The following CNBD1 variants were observed in gnomAD, a reference collection of about 807,000 sequenced individuals.
The protein encoded by CNBD1 is cyclic nucleotide binding domain containing 1.
Under a neutral mutation model 54.4 loss-of-function variants are expected in CNBD1, and 71 were observed. The ratio of observed to expected loss-of-function variants is 1.30; its 90% CI spans 1.08 to 1.59. The LOEUF is 1.59. CNBD1 is among the 40% of genes most tolerant of loss of function. The pLI is 0.00. For missense variants in CNBD1, 659 were observed against 518.0 expected (o/e 1.27, Z -2.64); for synonymous variants, 182 against 170.7 (o/e 1.07, Z -0.51).
At chr8:87,169,534 G>T (rs146401361) in intron 4 of CNBD1, among the ~76,000 whole-genome samples, 1 of 152,154 alleles carries the variant, frequency 6.6e-6, no homozygotes, top group East Asian at 1.9e-4. Flanking sequence ...TAGTTTCATA[G>T]CTTGAGGTCT....
chr8:87,071,883 A>G (rs1046818820), intron 4 of CNBD1, among the ~76,000 whole-genome samples: 8 of 152,016 alleles, frequency 5.3e-5, no homozygotes, highest in Admixed American at 2.6e-4. Context: ...TTCTGTCTCA[A>G]TGATCTGTCT....
chr8:87,327,667 C>G (rs1399609850), intron 8 of CNBD1, among the ~76,000 whole-genome samples: 1 of 152,150 alleles, frequency 6.6e-6, no homozygotes, highest in Non-Finnish European at 1.5e-5. Flanking sequence ...CGGCTCGTGC[C>G]CGGTGCGCAC....
At chr8:87,017,587 G>A (rs1375615400) in intron 4 of CNBD1, among the ~76,000 whole-genome samples, 2 of 152,114 alleles carry the variant, frequency 1.3e-5, no homozygotes, top group African/African-American at 2.4e-5. Context: ...TAAGCAAAAA[G>A]CCTCTTTTCT....
chr8:87,313,713 A>G lies in CNBD1; in HGVS notation c.1042+27042A>G, dbSNP rs1244936470. Among the ~76,000 whole-genome samples, 5 of 151,984 alleles carry G rather than the reference A, an allele frequency of 3.3e-5. No individual in the cohort carries two copies. In the South Asian group the frequency reaches 8.3e-4, roughly 25 times the overall value. ...GTTCCCTTTACTAGATAGAAAAGAA[A>G]AAGAAATATGCAGCCTTTTACAATT... On this transcript the variant is annotated intron_variant, in intron 8 of 10. Coordinates refer to ENST00000518476, the MANE Select transcript of CNBD1 (RefSeq NM_173538.3).
chr8:87,256,971 G>T (rs1808036825), intron 6 of CNBD1, among the ~76,000 whole-genome samples: 1 of 152,006 alleles, frequency 6.6e-6, no homozygotes, highest in South Asian at 2.1e-4. Flanking sequence ...ACCACAAAAA[G>T]CTTTCTTTAC....
Position 87,293,342 on chromosome 8 carries a change from A to G in CNBD1, c.1042+6671A>G, listed in dbSNP as rs572599049. Among the ~76,000 whole-genome samples the G allele has an allele frequency of 1.6e-4, 24 of 152,178 alleles. No individual in the cohort carries two copies. In the Middle Eastern group the frequency reaches 0.014, roughly 86 times the overall value. ...GCTGACCACCTGAGGTCAGGAGCTC[A>G]AGACCAGCCTGGACAACATGATGAA... On this transcript the variant is annotated intron_variant, in intron 8 of 10. Coordinates refer to ENST00000518476, the MANE Select transcript of CNBD1 (RefSeq NM_173538.3).
intron 4 of CNBD1, among the ~76,000 whole-genome samples, chr8:87,183,385 GTTT>G (rs3056356): frequency 0.057 from 6,753 of 118,352 alleles, 261 homozygotes; most frequent in African/African-American, 0.13. Flanking sequence ...TGCGCTGTTT[GTTT>G]TTTTTTTTTT....
intron 2 of CNBD1, among the ~76,000 whole-genome samples, chr8:87,422,704 GTGTGA>G (rs1171587565): frequency 6.6e-6 from 1 of 152,154 alleles, no homozygotes; most frequent in Admixed American, 6.5e-5. Context: ...AAGTCAGGTA[GTGTGA>G]TGCCTCCAGC....
intron 4 of CNBD1, among the ~76,000 whole-genome samples, chr8:87,030,239 G>A (rs920509785): frequency 1.4e-4 from 21 of 152,252 alleles, no homozygotes; most frequent in African/African-American, 4.1e-4. Context: ...AGTTGAATGA[G>A]ATATAAAATA....
At chr8:87,274,672 C>T (rs1375977860) in intron 6 of CNBD1, among the ~76,000 whole-genome samples, 1 of 133,238 alleles carries the variant, frequency 7.5e-6, no homozygotes, top group Non-Finnish European at 1.6e-5. Flanking sequence ...GATATTAGCC[C>T]TTTGTCAGAT....
chr8:86,869,271 G>T (rs1213119496), intron 1 of CNBD1, among the ~76,000 whole-genome samples: 1 of 152,102 alleles, frequency 6.6e-6, no homozygotes, highest in African/African-American at 2.4e-5. Flanking sequence ...TAAGGCTTAG[G>T]TTTCATACTA....
chr8:87,367,842 T>G (rs1810672754), intron 10 of CNBD1, among the ~76,000 whole-genome samples: 2 of 152,072 alleles, frequency 1.3e-5, no homozygotes, highest in Non-Finnish European at 2.9e-5. Flanking sequence ...GAGAGAACTA[T>G]GGGGAACCAT....
intron 6 of CNBD1, among the ~76,000 whole-genome samples, chr8:87,243,142 A>G (rs577673351): frequency 1.3e-5 from 2 of 152,374 alleles, no homozygotes; most frequent in East Asian, 1.9e-4. Flanking sequence ...TAATGAAGCC[A>G]TGAGTATTTT....
chr8:87,387,851 T>G (rs1811222793), downstream of CNBD1, among the ~76,000 whole-genome samples: 1 of 152,160 alleles, frequency 6.6e-6, no homozygotes, highest in Non-Finnish European at 1.5e-5. Context: ...ACCACATAGT[T>G]GGAAGTAAAG....
Position 87,351,672 on chromosome 8 carries a change from C to G in CNBD1, c.1043-13C>G, listed in dbSNP as rs1810297478. The G allele has an allele frequency of 5.4e-6, 8 of 1,480,010 alleles. No homozygotes were observed. In the South Asian group the frequency reaches 7.0e-5, roughly 13 times the overall value. The allele number at this position is 1,480,010 out of a possible 1,614,324, so 91.7% of individuals were successfully genotyped here. A position where few individuals can be genotyped will look rare whatever the true frequency, so the allele number is the denominator to read the frequency against. ...CAAGAATGTGTGAAATGAACTATCTCTCTTCTTTTCAGTGATAGTGGAAAG... is the reference window on the plus strand; with the variant it reads ...CAAGAATGTGTGAAATGAACTATCTGTCTTCTTTTCAGTGATAGTGGAAAG... On this transcript the variant is annotated splice_polypyrimidine_tract_variant and intron_variant, in intron 8 of 10. Transcript: ENST00000518476.
Position 87,134,206 on chromosome 8 carries a change from G to T in CNBD1, c.432-71787G>T, listed in dbSNP as rs533491210. On this transcript the variant is annotated intron_variant, in intron 4 of 10. Coordinates refer to ENST00000518476, the MANE Select transcript of CNBD1 (RefSeq NM_173538.3). ...AAGTATTTGAATGTAATTATTGACT[G>T]TCAAATTGATGATTACTGATTAATA... Among the ~76,000 whole-genome samples, 444 of 152,216 alleles carry T rather than the reference G, an allele frequency of 2.9e-3. 1 individual carries two copies. The highest frequency in any genetic ancestry group is 0.01 in the African/African-American group (429 of 41,540).
At chr8:87,012,980 C>T (rs577106807) in intron 4 of CNBD1, among the ~76,000 whole-genome samples, 67 of 152,332 alleles carry the variant, frequency 4.4e-4, no homozygotes, top group African/African-American at 1.6e-3. Flanking sequence ...TCATATTTGG[C>T]TCAGAATAAA....
chr8:87,135,723 G>T lies in CNBD1; in HGVS notation c.432-70270G>T, dbSNP rs1812213558. On this transcript the variant is annotated intron_variant, in intron 4 of 10. Coordinates refer to ENST00000518476, the MANE Select transcript of CNBD1 (RefSeq NM_173538.3). The stretch of plus-strand genomic sequence containing the variant: ...GCATCCTAAAACTATTTATGATCCA[G>T]ATCTGATCCAACATATATATAATAT... 2.7e-5 allele frequency among the ~76,000 whole-genome samples: 4 copies of T among 149,520 alleles called. No individual in the cohort carries two copies. In the South Asian group the frequency reaches 6.3e-4, roughly 23 times the overall value.
intron 4 of CNBD1, among the ~76,000 whole-genome samples, chr8:87,200,026 A>G (rs1456279529): frequency 1.3e-5 from 2 of 152,092 alleles, no homozygotes; most frequent in Non-Finnish European, 2.9e-5. Context: ...AGCTTTTTGT[A>G]TGTCAGTCAT....
Sources: allele counts gnomAD v4.1 joint callset (sites outside exome capture counted in the v4.1 genomes callset), GRCh38; gene constraint gnomAD v4.1.1; transcripts MANE v1.5; gene names NCBI Gene and HGNC (gene_info 2026-07-23, HGNC 2026-07-21).